The following NCAPD3 variants were observed in gnomAD, a reference collection of about 807,000 sequenced individuals.
NCAPD3 encodes the protein condensin-2 complex subunit D3.
A neutral mutation model predicts 182.9 loss-of-function variants in NCAPD3; 105 were observed. The observed-to-expected ratio is 0.57, with a 90% CI of 0.49 to 0.68. NCAPD3 has a LOEUF of 0.68. NCAPD3 is among the 30% of genes least tolerant of loss of function. The pLI, the probability that NCAPD3 is intolerant of heterozygous loss-of-function variation, is 0.00. For synonymous variants in NCAPD3, 815 were observed against 679.9 expected, an observed-to-expected ratio of 1.20 and a Z score of -3.09; for missense variants, 1,944 against 1,837.0, an observed-to-expected ratio of 1.06 and a Z score of -1.07.
intron 24 of NCAPD3, among the ~76,000 whole-genome samples, chr11:134,171,270 C>A (rs1943999775): frequency 6.6e-6 from 1 of 152,114 alleles, no homozygotes; most frequent in Non-Finnish European, 1.5e-5. Flanking sequence ...AAGGGAAGAC[C>A]AGCTAAATCT....
In NCAPD3 at chr11:134,192,827, T is replaced by G; in HGVS notation, c.1907A>C (p.Gln636Pro). 1.9e-6 allele frequency: 3 copies of G among 1,614,208 alleles called. No individual in the cohort carries two copies. Among genetic ancestry groups the G allele is most frequent in the Non-Finnish European group, 2.5e-6 (3 of 1,180,012 alleles). ...PVVMDCESTV[Q>P]EKALEFLDQL... ...GTCCAGGAACTCCAGGGCCTTCTCC[T>G]GCACAGTGCTCTCGCAGTCCATCAC... Residue 636 changes from glutamine (Q) to proline (P), a missense_variant, in exon 16 of 35, where the codon CAG becomes CCG. Around this residue, in one of 3 missense-constraint regions of NCAPD3, gnomAD observed 1,803 missense variants for 1,674.6 expected, o/e 1.08. Coordinates refer to ENST00000534548, the MANE Select transcript of NCAPD3 (RefSeq NM_015261.3).
At chr11:134,184,448 G>A (rs1944355791) in intron 19 of NCAPD3, among the ~76,000 whole-genome samples, 189 bp downstream of exon 19, 1 of 152,206 alleles carries the variant, frequency 6.6e-6, no homozygotes. Context: ...TGTCTCTTAG[G>A]CAGCTAAATC....
chr11:134,153,574 C>A (rs879626487), intron 32 of NCAPD3: 1 of 595,324 alleles, frequency 1.7e-6, no homozygotes. Context: ...TTCTCTGACC[C>A]GCAGCCCTCA....
At chr11:134,182,584 T>C (rs1363742202) in intron 19 of NCAPD3, among the ~76,000 whole-genome samples, 1 of 152,162 alleles carries the variant, frequency 6.6e-6, no homozygotes, top group African/African-American at 2.4e-5. Flanking sequence ...TCATCAACAC[T>C]TCTCTGTAAA....
At position 134,159,973 on chromosome 11, in the gene NCAPD3, C is replaced by G. The variant is rs1425093919; in HGVS notation, c.3786G>C (p.Gln1262His). Residue 1262 changes from glutamine (Q) to histidine (H), a missense_variant, in exon 29 of 35, where the codon CAG (glutamine) becomes CAC (histidine). Physicochemically the swap from Gln to His is conservative, Grantham distance 24. Around this residue, in one of 3 missense-constraint regions of NCAPD3, gnomAD observed 1,803 missense variants for 1,674.6 expected, o/e 1.08. Coordinates refer to ENST00000534548, the MANE Select transcript of NCAPD3 (RefSeq NM_015261.3). ...TTGCTAGCTCCTGCTCCTGGACCAG[C>G]TGTTCCTGGTACTTCTTCATGTCAT... Reference protein sequence around the residue: ...LEYDMKKYQEQLVQEQELAKH... With the variant: ...LEYDMKKYQEHLVQEQELAKH... 4 of 1,614,162 alleles carry G rather than the reference C, an allele frequency of 2.5e-6. No homozygotes were observed. The highest frequency in any genetic ancestry group is 3.4e-6 in the Non-Finnish European group (4 of 1,180,036).
intron 26 of NCAPD3, 97 bp from the exon 27 acceptor site, chr11:134,168,292 G>T: frequency 1.4e-6 from 2 of 1,433,714 alleles, no homozygotes; most frequent in Non-Finnish European, 2.0e-6. Flanking sequence ...ATCTGAGGCT[G>T]TCAGGGGGTC....
chr11:134,212,482 C>T (rs551905988), intron 3 of NCAPD3, among the ~76,000 whole-genome samples: 19 of 149,226 alleles, frequency 1.3e-4, no homozygotes, highest in African/African-American at 3.7e-4. Flanking sequence ...GCAACCTCTA[C>T]CTCCTGGGTT....
Position 134,153,267 on chromosome 11 carries a change from CAGA to C in NCAPD3, c.4327+19_4327+21del, listed in dbSNP as rs1446986742. On this transcript the variant is annotated intron_variant, in intron 33 of 34. Coordinates refer to ENST00000534548, the MANE Select transcript of NCAPD3 (RefSeq NM_015261.3). ...CTCAAAGGCAGTGCATCTATCAGCC[CAGA>C]AGGACACCAAGAACTTGCCTTTGGC... 1 of 1,613,944 alleles carries C rather than the reference CAGA, an allele frequency of 6.2e-7. No individual in the cohort carries two copies. The highest frequency in any genetic ancestry group is 1.3e-5 in the African/African-American group (1 of 74,936).
At chr11:134,193,157 T>C (rs932230627) in intron 15 of NCAPD3, among the ~76,000 whole-genome samples, 12 of 152,212 alleles carry the variant, frequency 7.9e-5, no homozygotes, top group African/African-American at 2.7e-4. Flanking sequence ...CAGTACTTTT[T>C]TGGTCATTAA....
intron 29 of NCAPD3, among the ~76,000 whole-genome samples, chr11:134,159,647 C>T (rs983372827): frequency 1.6e-4 from 25 of 152,226 alleles, no homozygotes; most frequent in African/African-American, 5.5e-4. Context: ...GATCTATAGT[C>T]ACCAGCTACT....
Position 134,168,213 on chromosome 11 carries a change from A to G in NCAPD3, c.3374-18T>C. The G allele has an allele frequency of 6.2e-7, 1 of 1,609,698 alleles. No homozygotes were observed. Among genetic ancestry groups the G allele is most frequent in the Non-Finnish European group, 8.5e-7 (1 of 1,176,222 alleles). ...AAAGCACGCTGAGAGACAGAGAGAG[A>G]GAAAAACGTGAGCTTCTGAGAAATG... is the stretch of plus-strand genomic sequence containing the variant. On this transcript the variant is annotated intron_variant, in intron 26 of 34. Coordinates refer to ENST00000534548, the MANE Select transcript of NCAPD3 (RefSeq NM_015261.3).
intron 17 of NCAPD3, 52 bp from the exon 18 acceptor site, chr11:134,185,052 G>A: frequency 1.5e-6 from 2 of 1,332,272 alleles, no homozygotes; most frequent in Non-Finnish European, 2.2e-6. Context: ...AAACACTGCT[G>A]CCAACAAAGG....
At position 134,168,697 on chromosome 11, in the gene NCAPD3, A is replaced by G. The variant is rs554855990; in HGVS notation, c.3240-95T>C. On this transcript the variant is annotated intron_variant, in intron 25 of 34. Transcript: ENST00000534548. Reference sequence around the variant, plus strand: ...AACTGCATCCTAAAAGCTGCATGCCAAAGACTCCAGTGCACTACAGAGATC... The same window carrying G: ...AACTGCATCCTAAAAGCTGCATGCCGAAGACTCCAGTGCACTACAGAGATC... 5.8e-6 allele frequency: 9 copies of G among 1,539,862 alleles called. No individual in the cohort carries two copies. The African/African-American group carries it at 1.2e-4, about 21-fold the overall frequency.
chr11:134,176,810 G>A (rs906801552), intron 23 of NCAPD3, among the ~76,000 whole-genome samples: 2 of 152,176 alleles, frequency 1.3e-5, no homozygotes, highest in Admixed American at 6.5e-5. Flanking sequence ...ACACGGAAAC[G>A]TCCCACTGGA....
intron 16 of NCAPD3, among the ~76,000 whole-genome samples, chr11:134,192,423 T>C (rs937178842): frequency 6.6e-6 from 1 of 152,170 alleles, no homozygotes; most frequent in Non-Finnish European, 1.5e-5. Context: ...CAGTGTTGTC[T>C]ACTACATATG....
intron 20 of NCAPD3, among the ~76,000 whole-genome samples, chr11:134,179,779 T>C (rs948228270): frequency 6.6e-6 from 1 of 152,166 alleles, no homozygotes; most frequent in Non-Finnish European, 1.5e-5. Flanking sequence ...TCTTTTTTTA[T>C]TTACACCCCA....
intron 32 of NCAPD3, among the ~76,000 whole-genome samples, chr11:134,154,660 C>G (rs1362243271): frequency 6.6e-6 from 1 of 152,164 alleles, no homozygotes; most frequent in East Asian, 1.9e-4. Flanking sequence ...TAAGCTGCCA[C>G]CAGCACACTC....
Position 134,168,615 on chromosome 11 carries a change from G to A in NCAPD3, c.3240-13C>T, listed in dbSNP as rs765834605. 3.5e-5 allele frequency: 57 copies of A among 1,613,658 alleles called. No homozygotes were observed. In the East Asian group the frequency reaches 4.2e-4, roughly 12 times the overall value. ...CAGCCGCTTCTCTCTGTGGCAGAACGGGACAAGTTCACTGCATCACATGGG... is the reference window on the plus strand; with the variant it reads ...CAGCCGCTTCTCTCTGTGGCAGAACAGGACAAGTTCACTGCATCACATGGG... On this transcript the variant is annotated splice_polypyrimidine_tract_variant and intron_variant, in intron 25 of 34. Transcript: ENST00000534548.
chr11:134,224,532 C>A (rs1938380330), upstream of NCAPD3: 1 of 152,548 alleles, frequency 6.6e-6, no homozygotes. Flanking sequence ...ACCGCTGGAG[C>A]GCCGGCCGCG....
Sources: allele counts gnomAD v4.1 joint callset (sites outside exome capture counted in the v4.1 genomes callset), GRCh38; gene constraint gnomAD v4.1.1; regional missense constraint gnomAD v4.1.1; transcripts MANE v1.5; gene names NCBI Gene and HGNC (gene_info 2026-07-23, HGNC 2026-07-21).